DLG2: variants seen among roughly 807,000 people sequenced by gnomAD.
DLG2 encodes disks large homolog 2.
DLG2 carries 45 observed loss-of-function variants against 132.5 expected under a neutral mutation model. That is an observed-to-expected ratio of 0.34 (90% confidence interval 0.27 to 0.44). The LOEUF (loss-of-function observed/expected upper bound fraction) is 0.44, where lower values mean the gene tolerates loss of function less well. DLG2 is among the 20% of genes least tolerant of loss of function. DLG2 has a pLI of 1.00. For missense variants in DLG2, 1,045 were observed against 1,196.9 expected, an observed-to-expected ratio of 0.87 and a Z score of 1.87; for synonymous variants, 424 against 419.6, an observed-to-expected ratio of 1.01 and a Z score of -0.13.
At chr11:85,324,672 G>T (rs886317038) in intron 3 of DLG2, among the ~76,000 whole-genome samples, 4 of 152,210 alleles carry the variant, frequency 2.6e-5, no homozygotes, top group African/African-American at 9.6e-5. Context: ...TTTGAGGTTT[G>T]CTGTATTTGT....
At chr11:84,189,833 G>C (rs983484188) in intron 8 of DLG2, among the ~76,000 whole-genome samples, 1 of 152,016 alleles carries the variant, frequency 6.6e-6, no homozygotes, top group African/African-American at 2.4e-5. Flanking sequence ...AGAGGCCTAT[G>C]GGGGGAAGGA....
chr11:84,157,430 A>T (rs537754509), intron 9 of DLG2, among the ~76,000 whole-genome samples: 327 of 152,236 alleles, frequency 2.1e-3, no homozygotes, highest in Non-Finnish European at 3.6e-3. Flanking sequence ...ACTACTTTTT[A>T]AAAAAATTTT....
At chr11:84,244,037 G>A (rs1018422772) in intron 8 of DLG2, among the ~76,000 whole-genome samples, 2 of 152,132 alleles carry the variant, frequency 1.3e-5, no homozygotes, top group African/African-American at 2.4e-5. Context: ...CAACCCAGTC[G>A]TGCATAAAGC....
intron 6 of DLG2, among the ~76,000 whole-genome samples, chr11:84,690,938 A>G (rs1009483746): frequency 1.3e-5 from 2 of 151,922 alleles, no homozygotes; most frequent in Admixed American, 6.6e-5. Context: ...CTTTGCCTCC[A>G]TATAAGAATT....
At chr11:85,328,677 G>A (rs1206290695) in intron 3 of DLG2, among the ~76,000 whole-genome samples, 1 of 150,562 alleles carries the variant, frequency 6.6e-6, no homozygotes, top group Non-Finnish European at 1.5e-5. Flanking sequence ...CATACTGAAT[G>A]GGCAAAAACT....
intron 3 of DLG2, among the ~76,000 whole-genome samples, chr11:85,497,527 TC>T: frequency 6.6e-6 from 1 of 152,208 alleles, no homozygotes; most frequent in East Asian, 1.9e-4. Flanking sequence ...CAGGAGAACT[TC>T]CCCAACCTGG....
In DLG2 at chr11:83,581,948, CTTTTTTT is replaced by C. The variant is rs71849863; in HGVS notation, c.1941-40097_1941-40091del. On this transcript the variant is annotated intron_variant, in intron 19 of 27. Transcript: ENST00000376104. The stretch of plus-strand genomic sequence containing the variant: ...GAATTTAGAATTCTGAGTTTGGACT[CTTTTTTT>C]TTTTTTTTTTTTTTTTTTGAGATGG... 7.4e-4 allele frequency among the ~76,000 whole-genome samples: 39 copies of C among 52,638 alleles called. 1 individual carries two copies. Among genetic ancestry groups the C allele is most frequent in the Non-Finnish European group, 7.9e-4 (25 of 31,818 alleles). 34.5% of individuals were successfully genotyped at this position (52,638 alleles called of 152,430 possible). A position where few individuals can be genotyped will look rare whatever the true frequency, so the allele number is the denominator to read the frequency against.
At chr11:84,119,300 T>C (rs1432080357) in intron 9 of DLG2, among the ~76,000 whole-genome samples, 1 of 152,108 alleles carries the variant, frequency 6.6e-6, no homozygotes, top group African/African-American at 2.4e-5. Flanking sequence ...TGGATGGTAG[T>C]AAATCTGCCT....
At chr11:84,779,270 C>A (rs1006872701) in intron 6 of DLG2, among the ~76,000 whole-genome samples, 1 of 152,128 alleles carries the variant, frequency 6.6e-6, no homozygotes, top group East Asian at 1.9e-4. Context: ...CTCTGGAGAA[C>A]CCTAATATAA....
chr11:84,595,180 T>C (rs2099553582), intron 6 of DLG2, among the ~76,000 whole-genome samples: 1 of 152,128 alleles, frequency 6.6e-6, no homozygotes, highest in African/African-American at 2.4e-5. Flanking sequence ...TCTCTGTTCA[T>C]TGTAACCTCC....
chr11:83,515,720 T>C (rs1428747320), intron 21 of DLG2, among the ~76,000 whole-genome samples: 1 of 152,236 alleles, frequency 6.6e-6, no homozygotes, highest in Non-Finnish European at 1.5e-5. Flanking sequence ...TCTGGTATGT[T>C]GTGTCTTTGT....
intron 6 of DLG2, among the ~76,000 whole-genome samples, chr11:84,621,169 G>T (rs1403596601): frequency 1.3e-5 from 2 of 151,750 alleles, no homozygotes; most frequent in African/African-American, 4.8e-5. Flanking sequence ...TTGGAGGAGG[G>T]GCTTATGGTG....
intron 6 of DLG2, among the ~76,000 whole-genome samples, chr11:85,039,046 T>A (rs975410027): frequency 1.3e-5 from 2 of 152,040 alleles, no homozygotes; most frequent in African/African-American, 4.8e-5. Context: ...GCTTTGTCAT[T>A]CTTTTAAAAT....
chr11:84,420,650 C>CTTTTTTTTTTTTTTTTTTTT lies in DLG2; in HGVS notation c.519+113900_519+113919dup, dbSNP rs768420271. 3.3e-4 allele frequency among the ~76,000 whole-genome samples: 14 copies of CTTTTTTTTTTTTTTTTTTTT among 42,236 alleles called. 4 individuals are homozygous for CTTTTTTTTTTTTTTTTTTTT. Among genetic ancestry groups the CTTTTTTTTTTTTTTTTTTTT allele is most frequent in the Admixed American group, 2.2e-3 (5 of 2,320 alleles). 27.7% of individuals were successfully genotyped at this position (42,236 alleles called of 152,430 possible). ...CAGCACAGTGACCAATGCTTGTTTT[C>CTTTTTTTTTTTTTTTTTTTT]TTTTTTTTTTTTTTTTTTTTTTTTT... On this transcript the variant is annotated intron_variant, in intron 7 of 27. Coordinates refer to ENST00000376104, the MANE Select transcript of DLG2 (RefSeq NM_001142699.3).
intron 3 of DLG2, among the ~76,000 whole-genome samples, chr11:85,411,161 T>A (rs2152979786): frequency 6.6e-6 from 1 of 151,452 alleles, no homozygotes; most frequent in South Asian, 2.1e-4. Flanking sequence ...GGAGGAATAG[T>A]GGGAAAGAAG....
chr11:83,836,327 A>T (rs1257045515), intron 16 of DLG2, among the ~76,000 whole-genome samples: 2 of 152,288 alleles, frequency 1.3e-5, no homozygotes, highest in Non-Finnish European at 1.5e-5. Flanking sequence ...ACACTCAATG[A>T]CTCAGTCAAG....
At chr11:85,234,977 C>A (rs886990695) in intron 4 of DLG2, among the ~76,000 whole-genome samples, 3 of 151,888 alleles carry the variant, frequency 2.0e-5, no homozygotes, top group Admixed American at 1.3e-4. Flanking sequence ...ATCTATCTCT[C>A]TATATAATCA....
chr11:83,630,770 A>AGTCT (rs1397944035), intron 19 of DLG2, among the ~76,000 whole-genome samples: 2 of 152,162 alleles, frequency 1.3e-5, no homozygotes, highest in East Asian at 3.9e-4. Context: ...ATCACAGGCA[A>AGTCT]GTCTCTGTCT....
At chr11:83,533,124 G>A (rs1279497845) in intron 20 of DLG2, among the ~76,000 whole-genome samples, 2 of 151,824 alleles carry the variant, frequency 1.3e-5, no homozygotes, top group Non-Finnish European at 2.9e-5. Context: ...CACCTATATT[G>A]GAGACTAAAC....
Sources: gnomAD v4.1 joint callset for allele counts (sites outside exome capture counted in the v4.1 genomes callset) on GRCh38, gnomAD v4.1.1 for gene constraint, MANE v1.5 for transcripts, NCBI Gene and HGNC (gene_info 2026-07-23, HGNC 2026-07-21) for gene names.